The following UCP1 variants were observed in gnomAD, a reference collection of about 807,000 sequenced individuals.
The protein encoded by UCP1 is uncoupling protein 1, also known as mitochondrial brown fat uncoupling protein 1.
UCP1 carries 24 observed loss-of-function variants against 26.2 expected under a neutral mutation model. That is an observed-to-expected ratio of 0.92 (90% CI 0.66 to 1.29). The LOEUF (loss-of-function observed/expected upper bound fraction) is 1.29, where lower values mean the gene tolerates loss of function less well. Ranked by LOEUF, UCP1 falls within the 50% of genes most tolerant of loss-of-function variation. The pLI is 0.00. For synonymous variants in UCP1, 164 were observed against 156.8 expected (o/e 1.05, Z -0.34); for missense variants, 402 against 388.7 (o/e 1.03, Z -0.29).
chr4:140,568,920 C>T lies in UCP1; in HGVS notation c.-191G>A, dbSNP rs566764769. The T allele has an allele frequency of 3.0e-4, 233 of 771,096 alleles. 1 individual carries two copies. The highest frequency in any genetic ancestry group is 7.0e-4 in the Admixed American group (26 of 37,256). The allele number at this position is 771,096 out of a possible 1,614,324, so 47.8% of individuals were successfully genotyped here. ...GAGCGCGGTGTTGGGGGCCGAGTCC[C>T]CGCGTCCCCTCCTACCCACCCTCGC... On this transcript the variant is annotated 5_prime_UTR_variant, in exon 1 of 6. Coordinates refer to ENST00000262999, the MANE Select transcript of UCP1 (RefSeq NM_021833.5).
At chr4:140,562,474 T>G in intron 4 of UCP1, 101 bp from the exon 5 acceptor site, 1 of 1,157,678 alleles carries the variant, frequency 8.6e-7, no homozygotes. Context: ...AGTAGGTCAA[T>G]GAAGATGTCT....
At chr4:140,566,118 C>T (rs1389296466) in intron 2 of UCP1, among the ~76,000 whole-genome samples, 1 of 152,200 alleles carries the variant, frequency 6.6e-6, no homozygotes, top group East Asian at 1.9e-4. Context: ...TAAGTGCTCT[C>T]TGTGATGTTC....
chr4:140,567,724 G>A, intron 2 of UCP1, 55 bp downstream of exon 2: 3 of 1,604,506 alleles, frequency 1.9e-6, no homozygotes, highest in East Asian at 4.5e-5. Context: ...ACACTTTTTG[G>A]AACAGAGCGG....
At chr4:140,562,596 T>C (rs1197221149) in intron 4 of UCP1, among the ~76,000 whole-genome samples, 1 of 152,210 alleles carries the variant, frequency 6.6e-6, no homozygotes, top group Non-Finnish European at 1.5e-5. Flanking sequence ...TAGTTTCCTC[T>C]GTGCCTTTAA....
In UCP1 at chr4:140,567,935, C is replaced by T. The variant is rs141520915; in HGVS notation, c.169G>A (p.Gly57Ser). The T allele has an allele frequency of 1.7e-4, 267 of 1,614,192 alleles. No individual in the cohort carries two copies. The African/African-American group carries it at 2.9e-3, about 18-fold the overall frequency. Residue 57 changes from glycine (G) to serine (S), a missense_variant, in exon 2 of 6, where the codon GGT becomes AGT. Physicochemically the swap from Gly to Ser is moderately conservative, Grantham distance 56. Coordinates refer to ENST00000262999, the MANE Select transcript of UCP1 (RefSeq NM_021833.5). ...ACAGCGGTGATTGTTCCCAGGACAC[C>T]TTTATACCTAATAACACTGGACGTC... Reference protein sequence around the residue: ...CPTSSVIRYKGVLGTITAVVK... With the variant: ...CPTSSVIRYKSVLGTITAVVK...
intron 1 of UCP1, 35 bp from the exon 2 acceptor site, chr4:140,568,012 G>T (rs1735842031): frequency 1.9e-6 from 3 of 1,610,510 alleles, no homozygotes; most frequent in Non-Finnish European, 2.5e-6. Context: ...AGAAGGGAGC[G>T]AAATTGAGTT....
chr4:140,560,075 T>A (rs1735643861), intron 5 of UCP1, 65 bp from the exon 6 acceptor site: 1 of 1,379,476 alleles, frequency 7.2e-7, no homozygotes, highest in Non-Finnish European at 1.0e-6. Flanking sequence ...ATTTTTGAGA[T>A]GAGGCTTCAC....
At chr4:140,566,635 T>A (rs540230710) in intron 2 of UCP1, among the ~76,000 whole-genome samples, 61 of 152,312 alleles carry the variant, frequency 4.0e-4, no homozygotes, top group African/African-American at 1.4e-3. Context: ...CCCATAAAAT[T>A]ATAGTATTGA....
At chr4:140,562,439 A>T in intron 4 of UCP1, 66 bp from the exon 5 acceptor site, 1 of 1,524,180 alleles carries the variant, frequency 6.6e-7, no homozygotes, top group South Asian at 1.1e-5. Context: ...GTTATCTGTC[A>T]TATCTTTATA....
At chr4:140,567,688 T>A in intron 2 of UCP1, 91 bp downstream of exon 2, 2 of 1,499,480 alleles carry the variant, frequency 1.3e-6, no homozygotes, top group African/African-American at 2.8e-5. Context: ...CGCCAATTTG[T>A]TATGAAAACC....
Position 140,559,730 on chromosome 4 carries a change from A to G in UCP1, c.*166T>C. The G allele has an allele frequency of 4.6e-6, 3 of 646,084 alleles. No homozygotes were observed. The highest frequency in any genetic ancestry group is 7.9e-6 in the Non-Finnish European group (3 of 377,896). 40.0% of individuals were successfully genotyped at this position (646,084 alleles called of 1,614,324 possible). On this transcript the variant is annotated 3_prime_UTR_variant, in exon 6 of 6. Transcript: ENST00000262999. ...GACACTGAGAAAAAAAAAAAGTTATATGAAATAGGCATTAATTTTCCTCTT... is the reference window on the plus strand; with the variant it reads ...GACACTGAGAAAAAAAAAAAGTTATGTGAAATAGGCATTAATTTTCCTCTT...
In UCP1 at chr4:140,562,384, T is replaced by A. The variant is rs756723059; in HGVS notation, c.629-11A>T. 1.2e-6 allele frequency: 2 copies of A among 1,613,662 alleles called. No homozygotes were observed. Among genetic ancestry groups the A allele is most frequent in the Non-Finnish European group, 1.7e-6 (2 of 1,179,934 alleles). On this transcript the variant is annotated splice_polypyrimidine_tract_variant and intron_variant, in intron 4 of 5. Coordinates refer to ENST00000262999, the MANE Select transcript of UCP1 (RefSeq NM_021833.5). ...GGCAGGGGACGTCATCTAAAATGGA[T>A]CGATGAAACAGGTCAACATCAGACT...
rs769084769 is a variant in UCP1, at chr4:140,568,650, G to T, written c.80C>A (p.Ala27Glu). ...LFSAGIAACL[A>E]DVITFPLDTA... The stretch of plus-strand genomic sequence containing the variant: ...GTCCAGCGGGAAGGTGATCACGTCC[G>T]CCAAGCACGCCGCTATTCCAGCTGA... The change falls in exon 1 of 6, where the codon GCG (alanine) becomes GAG (glutamate). Residue 27 changes from alanine to glutamate, a missense_variant. Coordinates refer to ENST00000262999, the MANE Select transcript of UCP1 (RefSeq NM_021833.5). 2 of 1,611,644 alleles carry T rather than the reference G, an allele frequency of 1.2e-6. No individual in the cohort carries two copies. Among genetic ancestry groups the T allele is most frequent in the South Asian group, 1.1e-5 (1 of 90,250 alleles).
At position 140,567,964 on chromosome 4, in the gene UCP1, C is replaced by T. The variant is rs755584104; in HGVS notation, c.140G>A (p.Cys47Tyr). The change falls in exon 2 of 6, where the codon TGC becomes TAC. Residue 47 changes from cysteine (C) to tyrosine (Y), a missense_variant. Coordinates refer to ENST00000262999, the MANE Select transcript of UCP1 (RefSeq NM_021833.5). ...ATACCTAATAACACTGGACGTCGGG[C>T]ATTCACCTTGGACCTGGAAATAAGA... ...AKVRLQVQGE[C>Y]PTSSVIRYKG... The T allele has an allele frequency of 6.2e-7, 1 of 1,614,204 alleles. No individual in the cohort carries two copies. The highest frequency in any genetic ancestry group is 1.1e-5 in the South Asian group (1 of 91,078).
rs1735641118 is a variant in UCP1, at chr4:140,559,981, G to T, written c.839C>A (p.Ser280Tyr). The change falls in exon 6 of 6, where the codon TCC (serine) becomes TAC (tyrosine). Residue 280 changes from serine to tyrosine, a missense_variant. Transcript: ENST00000262999. ...GCACACAAACATAATGACGTTCCAG[G>T]ATCCAAGTCGCAAGAAGGAAGGTAC... The part of the protein sequence containing the change: ...GLVPSFLRLG[S>Y]WNVIMFVCFE... 1.2e-6 allele frequency: 2 copies of T among 1,613,702 alleles called. No homozygotes were observed. The highest frequency in any genetic ancestry group is 2.7e-5 in the African/African-American group (2 of 74,810).
At chr4:140,564,128 C>CT (rs957428479) in intron 2 of UCP1, among the ~76,000 whole-genome samples, 23 of 152,196 alleles carry the variant, frequency 1.5e-4, no homozygotes, top group Admixed American at 1.5e-3. Context: ...ATTTAGCTCT[C>CT]TTTTCAGTAT....
chr4:140,563,017 G>T, intron 4 of UCP1, 93 bp downstream of exon 4: 1 of 986,670 alleles, frequency 1.0e-6, no homozygotes, highest in Non-Finnish European at 1.6e-6. Flanking sequence ...GAAAACTATT[G>T]GAGTTAAGAG....
At chr4:140,562,413 G>A in intron 4 of UCP1, 40 bp from the exon 5 acceptor site, 1 of 1,608,086 alleles carries the variant, frequency 6.2e-7, no homozygotes, top group Non-Finnish European at 8.5e-7. Flanking sequence ...TCAGACTTTT[G>A]GGGGCTTGCA....
In UCP1 at chr4:140,568,809, C is replaced by G; in HGVS notation, c.-80G>C. The G allele has an allele frequency of 6.5e-7, 1 of 1,530,444 alleles. No homozygotes were observed. The highest frequency in any genetic ancestry group is 1.2e-5 in the South Asian group (1 of 83,966). 94.8% of individuals were successfully genotyped at this position (1,530,444 alleles called of 1,614,324 possible). A position where few individuals can be genotyped will look rare whatever the true frequency, so the allele number is the denominator to read the frequency against. The stretch of plus-strand genomic sequence containing the variant: ...GGAAGTTCCTTTCCCTTGCTCTTCA[C>G]GCCTGTCCGCCGGGCAGCAAACCCG... On this transcript the variant is annotated 5_prime_UTR_variant, in exon 1 of 6. Transcript: ENST00000262999.
Sources: gnomAD v4.1 joint callset for allele counts (sites outside exome capture counted in the v4.1 genomes callset) on GRCh38, gnomAD v4.1.1 for gene constraint, MANE v1.5 for transcripts, NCBI Gene and HGNC (gene_info 2026-07-23, HGNC 2026-07-21) for gene names.